The following CLIC6 variants were observed in gnomAD, a reference collection of about 807,000 sequenced individuals.
CLIC6 encodes chloride intracellular channel protein 6.
In CLIC6, 39 loss-of-function variants were observed where a neutral mutation model predicts 49.2. The observed-to-expected ratio is 0.79, with a 90% CI of 0.61 to 1.04. CLIC6 has a LOEUF of 1.04. Ranked by LOEUF, CLIC6 falls within the 50% of genes least tolerant of loss-of-function variation. The probability of loss-of-function intolerance (pLI) is 0.00; values close to 1 mark genes in which losing one functional copy is unlikely to be tolerated. For missense variants in CLIC6, 988 were observed against 993.1 expected, an observed-to-expected ratio of 0.99 and a Z score of 0.07; for synonymous variants, 446 against 433.4, an observed-to-expected ratio of 1.03 and a Z score of -0.36.
Position 34,670,550 on chromosome 21 carries a change from G to T in CLIC6, c.1162G>T (p.Gly388Trp). The change falls in exon 1 of 6, where the codon GGG becomes TGG. Residue 388 changes from glycine (G) to tryptophan (W), a missense_variant. By Grantham distance (184) the Gly-to-Trp change is radical (BLOSUM62 -2). Around this residue, in one of 3 missense-constraint regions of CLIC6, gnomAD observed 647 missense variants for 596.9 expected, o/e 1.08. Coordinates refer to ENST00000349499, the MANE Select transcript of CLIC6 (RefSeq NM_053277.3). ...PEGPREEEAA[G>W]GEEESPDSSP... The stretch of plus-strand genomic sequence containing the variant: ...GGGGCCAAGGGAGGAGGAAGCAGCG[G>T]GGGGCGAAGAGGAATCCCCCGACAG... The T allele has an allele frequency of 1.3e-6, 2 of 1,500,144 alleles. No homozygotes were observed. The highest frequency in any genetic ancestry group is 1.8e-6 in the Non-Finnish European group (2 of 1,125,398). 92.9% of individuals were successfully genotyped at this position (1,500,144 alleles called of 1,614,324 possible). A position where few individuals can be genotyped will look rare whatever the true frequency, so the allele number is the denominator to read the frequency against.
At chr21:34,697,885 G>A (rs1990115274) in intron 1 of CLIC6, among the ~76,000 whole-genome samples, 2 of 152,198 alleles carry the variant, frequency 1.3e-5, no homozygotes, top group Non-Finnish European at 1.5e-5. Context: ...TGCCTGTGAT[G>A]AGGAATCTCA....
At chr21:34,701,518 A>AT (rs1432032187) in intron 1 of CLIC6, among the ~76,000 whole-genome samples, 1 of 152,124 alleles carries the variant, frequency 6.6e-6, no homozygotes. Flanking sequence ...CAGGGATTCC[A>AT]GTGTATCACA....
chr21:34,677,653 G>T (rs966656434), intron 1 of CLIC6, among the ~76,000 whole-genome samples: 4 of 152,152 alleles, frequency 2.6e-5, no homozygotes, highest in Non-Finnish European at 5.9e-5. Flanking sequence ...AAACTAAAGG[G>T]AAGGGTCAGG....
intron 1 of CLIC6, among the ~76,000 whole-genome samples, chr21:34,700,869 G>A (rs1601280671): frequency 7.2e-6 from 1 of 139,840 alleles, no homozygotes. Context: ...CAGCCGTCCA[G>A]GTGAGCCCTT....
intron 1 of CLIC6, among the ~76,000 whole-genome samples, chr21:34,702,614 G>A (rs908292386): frequency 2.6e-5 from 4 of 152,218 alleles, no homozygotes; most frequent in Non-Finnish European, 5.9e-5. Context: ...CAGGGCAGGC[G>A]CAGCGGAGGT....
chr21:34,674,846 C>A lies in CLIC6; in HGVS notation c.1374+4084C>A, dbSNP rs866409094. On this transcript the variant is annotated intron_variant, in intron 1 of 5. Coordinates refer to ENST00000349499, the MANE Select transcript of CLIC6 (RefSeq NM_053277.3). Reference sequence around the variant, plus strand: ...ATAATAACAACAGGCAAAACACTAGCAGCAGAGAGTTAAGTAAGAACTTCA... The same window carrying A: ...ATAATAACAACAGGCAAAACACTAGAAGCAGAGAGTTAAGTAAGAACTTCA... Among the ~76,000 whole-genome samples, 4 of 152,246 alleles carry A rather than the reference C, an allele frequency of 2.6e-5. No homozygotes were observed. In the South Asian group the frequency reaches 6.2e-4, roughly 24 times the overall value.
intron 1 of CLIC6, among the ~76,000 whole-genome samples, chr21:34,699,722 A>G (rs1337506424): frequency 1.3e-5 from 2 of 152,200 alleles, no homozygotes; most frequent in African/African-American, 4.8e-5. Flanking sequence ...CCTCATGCCA[A>G]GGAAATCAAG....
chr21:34,706,146 G>A (rs1251306296), intron 1 of CLIC6: 2 of 615,998 alleles, frequency 3.2e-6, no homozygotes, highest in African/African-American at 1.8e-5. Context: ...AGGAAGCATG[G>A]TGCTGGCATC....
chr21:34,701,146 C>CA (rs1246092310), intron 1 of CLIC6, among the ~76,000 whole-genome samples: 1 of 144,592 alleles, frequency 6.9e-6, no homozygotes, highest in South Asian at 2.2e-4. Context: ...ACTAAAAATA[C>CA]AAAAAATTAG....
At chr21:34,697,445 A>C (rs1601278381) in intron 1 of CLIC6, among the ~76,000 whole-genome samples, 1 of 151,216 alleles carries the variant, frequency 6.6e-6, no homozygotes, top group East Asian at 1.9e-4. Context: ...TCTTCTCAGC[A>C]GCTGTTATTT....
chr21:34,673,711 AAGAC>A (rs1005857496), intron 1 of CLIC6, among the ~76,000 whole-genome samples: 9 of 152,242 alleles, frequency 5.9e-5, no homozygotes, highest in Non-Finnish European at 1.0e-4. Context: ...AAAAACAAAA[AAGAC>A]AGACATCAAA....
chr21:34,674,918 G>A (rs1406774585), intron 1 of CLIC6, among the ~76,000 whole-genome samples: 1 of 152,162 alleles, frequency 6.6e-6, no homozygotes, highest in Non-Finnish European at 1.5e-5. Flanking sequence ...CGCCAAGGAA[G>A]TCTTGCTTAC....
At chr21:34,708,124 A>G (rs2056029658) in intron 3 of CLIC6, 55 bp downstream of exon 3, 1 of 1,602,744 alleles carries the variant, frequency 6.2e-7, no homozygotes, top group Non-Finnish European at 8.5e-7. Context: ...CCCCACTAGT[A>G]GTCAGTTCTA....
chr21:34,697,144 G>A (rs1445313658), intron 1 of CLIC6, among the ~76,000 whole-genome samples: 9 of 152,148 alleles, frequency 5.9e-5, no homozygotes, highest in Non-Finnish European at 8.8e-5. Flanking sequence ...CCTGGTGTCT[G>A]GCCCATTTGG....
chr21:34,692,127 CAA>C (rs1990006437), intron 1 of CLIC6, among the ~76,000 whole-genome samples: 1 of 152,184 alleles, frequency 6.6e-6, no homozygotes, highest in Non-Finnish European at 1.5e-5. Context: ...TTTATTAAGA[CAA>C]GAGTGCTCAT....
At chr21:34,681,440 G>C (rs934422875) in intron 1 of CLIC6, among the ~76,000 whole-genome samples, 1 of 152,242 alleles carries the variant, frequency 6.6e-6, no homozygotes, top group African/African-American at 2.4e-5. Flanking sequence ...TGGTTGCAGT[G>C]AGGATGTCAG....
intron 1 of CLIC6, among the ~76,000 whole-genome samples, chr21:34,703,316 A>G (rs2055992693): frequency 6.6e-6 from 1 of 152,230 alleles, no homozygotes; most frequent in South Asian, 2.1e-4. Context: ...GTAAGCCCAC[A>G]CAGAATTTTC....
chr21:34,717,793 T>C lies in CLIC6; in HGVS notation c.*1311T>C, dbSNP rs975841722. Reference sequence around the variant, plus strand: ...TGGTTGTGGTATGTGTTTGATGCTATAAAGCTCATTTTTAATGTGTACACC... The same window carrying C: ...TGGTTGTGGTATGTGTTTGATGCTACAAAGCTCATTTTTAATGTGTACACC... On this transcript the variant is annotated 3_prime_UTR_variant, in exon 6 of 6. Coordinates refer to ENST00000349499, the MANE Select transcript of CLIC6 (RefSeq NM_053277.3). 1 of 152,236 alleles carries C rather than the reference T, an allele frequency of 6.6e-6. No individual in the cohort carries two copies. Among genetic ancestry groups the C allele is most frequent in the African/African-American group, 2.4e-5 (1 of 41,468 alleles). The allele number at this position is 152,236 out of a possible 1,614,324, so 9.4% of individuals were successfully genotyped here. A position where few individuals can be genotyped will look rare whatever the true frequency, so the allele number is the denominator to read the frequency against.
rs1293281161 is a variant in CLIC6, at chr21:34,669,667, C to G, written c.279C>G (p.Ala93=). 8 of 1,343,416 alleles carry G rather than the reference C, an allele frequency of 6.0e-6. 1 individual carries two copies. Among genetic ancestry groups the G allele is most frequent in the Middle Eastern group, 2.8e-4 (1 of 3,600 alleles). The allele number at this position is 1,343,416 out of a possible 1,614,324, so 83.2% of individuals were successfully genotyped here. The change falls in exon 1 of 6, where the codon GCC becomes GCG. Residue 93 remains alanine (A), a synonymous_variant. Transcript: ENST00000349499. The part of the protein sequence containing the change: ...TEAEEGAPEG[A]EVPQGGEETS... The stretch of plus-strand genomic sequence containing the variant: ...CCGAGGAGGGAGCCCCGGAGGGTGC[C>G]GAGGTGCCCCAAGGAGGGGAGGAGA...
Sources: allele counts gnomAD v4.1 joint callset (sites outside exome capture counted in the v4.1 genomes callset), GRCh38; gene constraint gnomAD v4.1.1; regional missense constraint gnomAD v4.1.1; transcripts MANE v1.5; gene names NCBI Gene and HGNC (gene_info 2026-07-23, HGNC 2026-07-21).